Variants in NEGR1 observed in about 807,000 individuals in gnomAD.
NEGR1 encodes the protein neuronal growth regulator 1, also known as IgLON family member 4.
In NEGR1, 10 loss-of-function variants were observed where a neutral mutation model predicts 40.9. The ratio of observed to expected loss-of-function variants is 0.24; its 90% CI spans 0.15 to 0.42. The LOEUF (loss-of-function observed/expected upper bound fraction) is 0.42. Among genes scored for constraint, NEGR1 ranks in the 10% least tolerant of loss-of-function variants. NEGR1 has a pLI of 1.00. For synonymous variants in NEGR1, 185 were observed against 166.8 expected (o/e 1.11, Z -0.84); for missense variants, 352 against 438.9 (o/e 0.80, Z 1.77).
In NEGR1 at chr1:71,403,373, T is replaced by C. The variant is rs1386864336; in HGVS notation, c.*4073A>G. The C allele has an allele frequency of 6.6e-6, 1 of 152,092 alleles. No individual in the cohort carries two copies. The highest frequency in any genetic ancestry group is 1.5e-5 in the Non-Finnish European group (1 of 67,940). The allele number at this position is 152,092 out of a possible 1,614,324, so 9.4% of individuals were successfully genotyped here. Reference sequence around the variant, plus strand: ...ACAAGCGTTTGAGTTTTCAGTTGTTTAGCCTGTAAGATCATCAGGATTTTA... The same window carrying C: ...ACAAGCGTTTGAGTTTTCAGTTGTTCAGCCTGTAAGATCATCAGGATTTTA... On this transcript the variant is annotated 3_prime_UTR_variant, in exon 7 of 7. Coordinates refer to ENST00000357731, the MANE Select transcript of NEGR1 (RefSeq NM_173808.3).
At chr1:71,832,232 A>T (rs1044513352) in intron 2 of NEGR1, among the ~76,000 whole-genome samples, 1 of 152,006 alleles carries the variant, frequency 6.6e-6, no homozygotes, top group Non-Finnish European at 1.5e-5. Flanking sequence ...GATAGCCTGG[A>T]AGAATAGTGA....
intron 1 of NEGR1, among the ~76,000 whole-genome samples, chr1:72,125,101 G>C (rs1649960749): frequency 6.6e-6 from 1 of 151,994 alleles, no homozygotes; most frequent in Non-Finnish European, 1.5e-5. Flanking sequence ...GTGACATCTA[G>C]GAAAACATGA....
At chr1:72,235,116 G>A (rs753665064) in intron 1 of NEGR1, among the ~76,000 whole-genome samples, 3 of 151,994 alleles carry the variant, frequency 2.0e-5, no homozygotes, top group Non-Finnish European at 4.4e-5. Context: ...GTTTCCTCTT[G>A]GCCTAAAACA....
intron 6 of NEGR1, among the ~76,000 whole-genome samples, chr1:71,579,603 ATT>A (rs36097070): frequency 1.0e-3 from 144 of 138,848 alleles, no homozygotes; most frequent in African/African-American, 3.5e-3. Context: ...ACTACTTAAG[ATT>A]TTTTTTTTTT....
intron 3 of NEGR1, among the ~76,000 whole-genome samples, chr1:71,760,386 T>A (rs1353080101): frequency 6.6e-6 from 1 of 152,196 alleles, no homozygotes; most frequent in Non-Finnish European, 1.5e-5. Flanking sequence ...CACCACTTAC[T>A]GGTTAGAAGT....
chr1:72,229,551 T>C (rs1280275715), intron 1 of NEGR1, among the ~76,000 whole-genome samples: 1 of 150,292 alleles, frequency 6.7e-6, no homozygotes, highest in Non-Finnish European at 1.5e-5. Flanking sequence ...TGGCAATATA[T>C]ATAATATATA....
At chr1:71,748,548 T>A (rs1322740237) in intron 3 of NEGR1, among the ~76,000 whole-genome samples, 1 of 152,162 alleles carries the variant, frequency 6.6e-6, no homozygotes, top group Non-Finnish European at 1.5e-5. Context: ...GATACCTGTA[T>A]CCTGAAGAAA....
At chr1:71,595,797 T>C (rs368445339) in intron 5 of NEGR1, among the ~76,000 whole-genome samples, 15 of 152,228 alleles carry the variant, frequency 9.9e-5, no homozygotes, top group Admixed American at 8.5e-4. Context: ...ACTGGATATA[T>C]AAATTTGAGC....
intron 3 of NEGR1, among the ~76,000 whole-genome samples, chr1:71,763,260 AC>A (rs1331890734): frequency 6.6e-6 from 1 of 152,098 alleles, no homozygotes; most frequent in Non-Finnish European, 1.5e-5. Flanking sequence ...TCCTCCTTCC[AC>A]AGTTACATAG....
chr1:71,507,973 G>C (rs549378188), intron 6 of NEGR1, among the ~76,000 whole-genome samples: 1 of 152,064 alleles, frequency 6.6e-6, no homozygotes, highest in African/African-American at 2.4e-5. Context: ...AGAAGACTTG[G>C]AATTGTCTCC....
At chr1:71,487,243 T>C (rs532843812) in intron 6 of NEGR1, among the ~76,000 whole-genome samples, 263 of 151,752 alleles carry the variant, frequency 1.7e-3, no homozygotes, top group Non-Finnish European at 2.6e-3. Context: ...CACTAACACT[T>C]TGTCTAATGT....
intron 3 of NEGR1, among the ~76,000 whole-genome samples, chr1:71,711,814 C>T (rs1432428954): frequency 6.6e-6 from 1 of 152,138 alleles, no homozygotes; most frequent in Non-Finnish European, 1.5e-5. Flanking sequence ...ATTATTCATA[C>T]ATATGAAACA....
chr1:72,030,323 C>T (rs2100437298), intron 1 of NEGR1, among the ~76,000 whole-genome samples: 1 of 152,086 alleles, frequency 6.6e-6, no homozygotes, highest in South Asian at 2.1e-4. Context: ...TCTCGTGCCT[C>T]AGCCTCTGGA....
intron 2 of NEGR1, among the ~76,000 whole-genome samples, chr1:71,853,579 A>T (rs1162405359): frequency 2.0e-5 from 3 of 151,754 alleles, no homozygotes; most frequent in Non-Finnish European, 2.9e-5. Context: ...CAGAGTAGTT[A>T]AAAAAAAGGC....
At chr1:72,190,211 A>AG (rs1652770175) in intron 1 of NEGR1, among the ~76,000 whole-genome samples, 1 of 151,642 alleles carries the variant, frequency 6.6e-6, no homozygotes, top group Non-Finnish European at 1.5e-5. Flanking sequence ...AAACTGTACC[A>AG]AATGCTGCAC....
intron 4 of NEGR1, among the ~76,000 whole-genome samples, chr1:71,697,124 T>C (rs982279765): frequency 1.3e-5 from 2 of 151,832 alleles, no homozygotes; most frequent in Admixed American, 1.3e-4. Flanking sequence ...CTGGATATAT[T>C]TGGAACAATT....
intron 1 of NEGR1, among the ~76,000 whole-genome samples, chr1:72,126,510 A>T (rs1650029828): frequency 6.6e-6 from 1 of 152,168 alleles, no homozygotes; most frequent in Non-Finnish European, 1.5e-5. Flanking sequence ...CAGTAGAAGC[A>T]GCACCATACT....
intron 1 of NEGR1, among the ~76,000 whole-genome samples, chr1:72,236,829 T>C (rs1654563965): frequency 6.6e-6 from 1 of 152,006 alleles, no homozygotes; most frequent in Non-Finnish European, 1.5e-5. Flanking sequence ...AAATAATCTA[T>C]AGAGATTTCT....
chr1:71,985,385 C>A (rs1557469090), intron 1 of NEGR1, among the ~76,000 whole-genome samples: 1 of 152,100 alleles, frequency 6.6e-6, no homozygotes, highest in Non-Finnish European at 1.5e-5. Context: ...ATGTTCAAAT[C>A]ACTGTGGTAA....
Sources: allele counts gnomAD v4.1 joint callset (sites outside exome capture counted in the v4.1 genomes callset), GRCh38; gene constraint gnomAD v4.1.1; transcripts MANE v1.5; gene names NCBI Gene and HGNC (gene_info 2026-07-23, HGNC 2026-07-21).